Variants in NAA30 observed in about 807,000 individuals in gnomAD.
NAA30 encodes the protein N-alpha-acetyltransferase 30.
In NAA30, 5 loss-of-function variants were observed where a neutral mutation model predicts 31.4. The ratio of observed to expected loss-of-function variants is 0.16; its 90% CI spans 0.08 to 0.33. NAA30 has a LOEUF of 0.33. NAA30 is among the 10% of genes least tolerant of loss of function. The pLI is 1.00. For synonymous variants in NAA30, 222 were observed against 207.1 expected (o/e 1.07, Z -0.62); for missense variants, 428 against 490.8 (o/e 0.87, Z 1.21).
At chr14:57,395,741 A>G (rs1030799927) in intron 2 of NAA30, among the ~76,000 whole-genome samples, 2 of 152,168 alleles carry the variant, frequency 1.3e-5, no homozygotes, top group Non-Finnish European at 2.9e-5. Flanking sequence ...TGAACTATAA[A>G]TATTCTGAGA....
rs1271888356 is a variant in NAA30 at position 57,411,349 on chromosome 14, T to C, written c.*1833T>C. 6.6e-6 allele frequency: 1 copy of C among 152,166 alleles called. No individual in the cohort carries two copies. Among genetic ancestry groups the C allele is most frequent in the Non-Finnish European group, 1.5e-5 (1 of 67,986 alleles). 9.4% of individuals were successfully genotyped at this position (152,166 alleles called of 1,614,324 possible). On this transcript the variant is annotated 3_prime_UTR_variant, in exon 5 of 5. Coordinates refer to ENST00000556492, the MANE Select transcript of NAA30 (RefSeq NM_001011713.3). ...TTTTGGTCAAACTTCATTTAGGCACTAGCATTTAGAAGAATACCAATCACA... is the reference window on the plus strand; with the variant it reads ...TTTTGGTCAAACTTCATTTAGGCACCAGCATTTAGAAGAATACCAATCACA...
chr14:57,397,199 A>T (rs559170120), intron 3 of NAA30, among the ~76,000 whole-genome samples: 1 of 152,292 alleles, frequency 6.6e-6, no homozygotes, highest in East Asian at 1.9e-4. Flanking sequence ...TTATAATTAC[A>T]TTATGATGGT....
chr14:57,391,373 CT>C lies in NAA30; in HGVS notation c.417del (p.His140ThrfsTer52). 1 of 1,610,732 alleles carries C rather than the reference CT, an allele frequency of 6.2e-7. No individual in the cohort carries two copies. Among genetic ancestry groups the C allele is most frequent in the Non-Finnish European group, 8.5e-7 (1 of 1,178,974 alleles). ...GAGVHSGERP[P>X]HSLSSNARTA... is the part of the protein sequence containing the mutation. ...GGGGTACACTCGGGCGAGAGGCCCC[CT>C]CACTCCCTCTCTAGTAATGCAAGAA... is the stretch of plus-strand genomic sequence containing the variant. On this transcript the variant is annotated frameshift_variant, in exon 2 of 5. Coordinates refer to ENST00000556492, the MANE Select transcript of NAA30 (RefSeq NM_001011713.3). LOFTEE classifies it high-confidence loss of function. This position sits in a 1 kb window ranked among gnomAD's most constrained non-coding sequence, Gnocchi z 4.1.
Position 57,409,717 on chromosome 14 carries a change from CAGG to C in NAA30, c.*204_*206del, listed in dbSNP as rs1379828793. 14 of 445,592 alleles carry C rather than the reference CAGG, an allele frequency of 3.1e-5. No homozygotes were observed. The highest frequency in any genetic ancestry group is 2.2e-4 in the African/African-American group (11 of 49,320). The allele number at this position is 445,592 out of a possible 1,614,324, so 27.6% of individuals were successfully genotyped here. On this transcript the variant is annotated 3_prime_UTR_variant, in exon 5 of 5. Coordinates refer to ENST00000556492, the MANE Select transcript of NAA30 (RefSeq NM_001011713.3). ...TGAATTAAAAGATTGTTTTAAACTT[CAGG>C]AGTTCTTTTGGTACCAACAAGATGT...
chr14:57,392,812 T>G (rs934805452), intron 2 of NAA30, among the ~76,000 whole-genome samples: 13 of 152,248 alleles, frequency 8.5e-5, no homozygotes, highest in African/African-American at 3.1e-4. Context: ...ACAATACTTA[T>G]CTTTTTGATT....
chr14:57,394,582 C>T (rs2066443037), intron 2 of NAA30, among the ~76,000 whole-genome samples: 1 of 152,060 alleles, frequency 6.6e-6, no homozygotes, highest in Non-Finnish European at 1.5e-5. Context: ...CATTGGTCTT[C>T]ACTACTAATG....
At chr14:57,399,352 T>C (rs1264189695) in intron 3 of NAA30, among the ~76,000 whole-genome samples, 1 of 152,196 alleles carries the variant, frequency 6.6e-6, no homozygotes, top group Non-Finnish European at 1.5e-5. Flanking sequence ...GTAAAGTTTA[T>C]AGGAACCTAC....
At chr14:57,403,936 C>G (rs17093196) in intron 4 of NAA30, among the ~76,000 whole-genome samples, 1 of 152,066 alleles carries the variant, frequency 6.6e-6, no homozygotes, top group Non-Finnish European at 1.5e-5. Flanking sequence ...AATAGTGCCT[C>G]GATTTTTAAG....
chr14:57,404,983 T>TTA (rs1207706642), intron 4 of NAA30, among the ~76,000 whole-genome samples: 2 of 152,186 alleles, frequency 1.3e-5, no homozygotes, highest in Admixed American at 6.6e-5. Flanking sequence ...TTGCGTACAT[T>TTA]TATTTTTACT....
rs1427976150 is a variant in NAA30, at chr14:57,409,769, G to T, written c.*253G>T. 6 of 333,066 alleles carry T rather than the reference G, an allele frequency of 1.8e-5. No individual in the cohort carries two copies. The highest frequency in any genetic ancestry group is 3.2e-5 in the Non-Finnish European group (6 of 185,242). The allele number at this position is 333,066 out of a possible 1,614,324, so 20.6% of individuals were successfully genotyped here. On this transcript the variant is annotated 3_prime_UTR_variant, in exon 5 of 5. Coordinates refer to ENST00000556492, the MANE Select transcript of NAA30 (RefSeq NM_001011713.3). The stretch of plus-strand genomic sequence containing the variant: ...GTGCCAGTTGATAGCCAAGATTTAT[G>T]TGTTCATTTGCAAAGTCTGCTGACA...
intron 4 of NAA30, among the ~76,000 whole-genome samples, chr14:57,402,354 C>T (rs1165017805): frequency 6.6e-6 from 1 of 152,200 alleles, no homozygotes; most frequent in African/African-American, 2.4e-5. Context: ...GATGCCTTCT[C>T]TTGTTTGTTG....
At chr14:57,404,606 T>C (rs1045871816) in intron 4 of NAA30, among the ~76,000 whole-genome samples, 3 of 152,162 alleles carry the variant, frequency 2.0e-5, no homozygotes, top group Non-Finnish European at 4.4e-5. Flanking sequence ...ACATTGCTGA[T>C]AAAGACATAC....
chr14:57,390,863 C>G (rs2066423376), intron 1 of NAA30, 94 bp from the exon 2 acceptor site: 3 of 1,302,224 alleles, frequency 2.3e-6, no homozygotes, highest in Non-Finnish European at 3.0e-6. Context: ...CCTTTGTTCC[C>G]CCCACCTCGG....
At chr14:57,403,580 G>C (rs2066486215) in intron 4 of NAA30, among the ~76,000 whole-genome samples, 1 of 152,164 alleles carries the variant, frequency 6.6e-6, no homozygotes, top group African/African-American at 2.4e-5. Context: ...ATTTGGAGCT[G>C]ACTAAAAAAT....
At position 57,411,283 on chromosome 14, in the gene NAA30, A is replaced by G. The variant is rs1301793598; in HGVS notation, c.*1767A>G. The G allele has an allele frequency of 1.4e-4, 21 of 152,114 alleles. No individual in the cohort carries two copies. The highest frequency in any genetic ancestry group is 2.9e-5 in the Non-Finnish European group (2 of 67,974). 9.4% of individuals were successfully genotyped at this position (152,114 alleles called of 1,614,324 possible). On this transcript the variant is annotated 3_prime_UTR_variant, in exon 5 of 5. Coordinates refer to ENST00000556492, the MANE Select transcript of NAA30 (RefSeq NM_001011713.3). The stretch of plus-strand genomic sequence containing the variant: ...AGCAGAATACAATACTGGTTATAAT[A>G]AAAATATGGTAACCACACAGTACTC...
At chr14:57,390,779 G>T in intron 1 of NAA30, 74 bp downstream of exon 1, 1 of 566,118 alleles carries the variant, frequency 1.8e-6, no homozygotes, top group South Asian at 4.4e-5. Flanking sequence ...GTGGCCGGCT[G>T]AGCAGCTGGG....
Position 57,415,849 on chromosome 14 carries a change from G to T in NAA30, c.*6333G>T, listed in dbSNP as rs1269894323. On this transcript the variant is annotated 3_prime_UTR_variant, in exon 5 of 5. Transcript: ENST00000556492. ...TGTAAACAGTGACTCTGCATAGTCA[G>T]CGTTATACTTGATTTCTTTGTGAAT... 1.3e-5 allele frequency: 2 copies of T among 150,812 alleles called. No individual in the cohort carries two copies. The highest frequency in any genetic ancestry group is 3.0e-5 in the Non-Finnish European group (2 of 67,710). The allele number at this position is 150,812 out of a possible 1,614,324, so 9.3% of individuals were successfully genotyped here.
At chr14:57,401,659 A>G (rs1336420674) in intron 4 of NAA30, among the ~76,000 whole-genome samples, 1 of 152,218 alleles carries the variant, frequency 6.6e-6, no homozygotes, top group East Asian at 1.9e-4. Flanking sequence ...GGGTGTTAAG[A>G]GCAGAGAGTA....
chr14:57,395,128 G>A (rs1384492907), intron 2 of NAA30, among the ~76,000 whole-genome samples: 2 of 152,076 alleles, frequency 1.3e-5, no homozygotes, highest in Non-Finnish European at 2.9e-5. Context: ...TATTGTGAGG[G>A]AAAAAATTAG....
Sources: gnomAD v4.1 joint callset for allele counts (sites outside exome capture counted in the v4.1 genomes callset) on GRCh38, gnomAD v4.1.1 for gene constraint, Gnocchi (gnomAD v3.1) non-coding constraint, MANE v1.5 for transcripts, NCBI Gene and HGNC (gene_info 2026-07-23, HGNC 2026-07-21) for gene names.